The following MAF variants were observed in gnomAD, a reference collection of about 807,000 sequenced individuals.
MAF encodes the protein MAF bZIP transcription factor.
In MAF, 10 loss-of-function variants were observed where a neutral mutation model predicts 22.0. The ratio of observed to expected loss-of-function variants is 0.45; its 90% CI spans 0.28 to 0.77. The LOEUF is 0.77. Among genes scored for constraint, MAF ranks in the 30% least tolerant of loss-of-function variants. The pLI, the probability that MAF is intolerant of heterozygous loss-of-function variation, is 0.12. For missense variants in MAF, 544 were observed against 548.4 expected (o/e 0.99, Z 0.08); for synonymous variants, 337 against 255.8 (o/e 1.32, Z -3.03).
the MAF span, among the ~76,000 whole-genome samples, chr16:79,320,548 G>C: frequency 6.6e-6 from 1 of 152,160 alleles, no homozygotes; most frequent in Non-Finnish European, 1.5e-5. Context: ...AATCTACCTA[G>C]AATTCGCTTC....
the MAF span, among the ~76,000 whole-genome samples, chr16:79,355,399 GC>G: frequency 1.3e-5 from 2 of 152,196 alleles, no homozygotes; most frequent in Admixed American, 1.3e-4. Context: ...GATAAGTACA[GC>G]CCAGCGGAGT....
chr16:79,424,604 C>T, the MAF span, among the ~76,000 whole-genome samples: 12 of 152,104 alleles, frequency 7.9e-5, no homozygotes, highest in South Asian at 2.3e-3. Flanking sequence ...TTCTGTGAGC[C>T]CCTGAATGTG....
At chr16:79,598,749 T>C (rs12919670) in intron 1 of MAF, 36 bp downstream of exon 1, 2 of 1,613,352 alleles carry the variant, frequency 1.2e-6, no homozygotes, top group Non-Finnish European at 1.7e-6. Flanking sequence ...GGAGCACTTA[T>C]CAGGGTGGCT....
chr16:79,264,542 A>C, the MAF span: 1 of 152,202 alleles, frequency 6.6e-6, no homozygotes, highest in Admixed American at 6.5e-5. Flanking sequence ...CTTGGATGGG[A>C]GACTATGGCG....
chr16:79,438,667 C>G, the MAF span, among the ~76,000 whole-genome samples: 1 of 152,170 alleles, frequency 6.6e-6, no homozygotes, highest in Non-Finnish European at 1.5e-5. Flanking sequence ...TCTGCACAGC[C>G]AGCGAGGTCG....
chr16:79,596,644 A>AT, intron 1 of MAF: 2 of 1,038,214 alleles, frequency 1.9e-6, no homozygotes, highest in Non-Finnish European at 2.3e-6. Context: ...AACTGACAAG[A>AT]TTTTTTTATA....
chr16:79,583,290 T>C (rs1168487176), downstream of MAF, among the ~76,000 whole-genome samples: 2 of 152,240 alleles, frequency 1.3e-5, no homozygotes, highest in Non-Finnish European at 2.9e-5. Context: ...GTTTGACAAC[T>C]GTTTGAATTC....
the MAF span, among the ~76,000 whole-genome samples, chr16:79,269,293 G>A: frequency 2.6e-5 from 4 of 152,164 alleles, no homozygotes; most frequent in South Asian, 2.1e-4. Flanking sequence ...CTGGGCACCC[G>A]AGTGAGTTAC....
the MAF span, chr16:79,211,668 G>A: frequency 6.2e-6 from 10 of 1,614,212 alleles, no homozygotes; most frequent in Non-Finnish European, 8.5e-6. Flanking sequence ...GGGTCTGGGA[G>A]GGATGTACTT....
chr16:79,328,879 A>C, the MAF span, among the ~76,000 whole-genome samples: 1 of 152,070 alleles, frequency 6.6e-6, no homozygotes, highest in East Asian at 1.9e-4. Context: ...AAGGCGTTTA[A>C]CTCTCAGTTT....
chr16:79,484,920 A>G, the MAF span, among the ~76,000 whole-genome samples: 1 of 152,168 alleles, frequency 6.6e-6, no homozygotes, highest in African/African-American at 2.4e-5. Context: ...AGGATTTAGA[A>G]CCAGGCAGAT....
At chr16:79,476,407 A>C in the MAF span, among the ~76,000 whole-genome samples, 1 of 152,248 alleles carries the variant, frequency 6.6e-6, no homozygotes, top group South Asian at 2.1e-4. Flanking sequence ...CAACTGATAC[A>C]ATACTTTACA....
At chr16:79,293,476 A>G in the MAF span, among the ~76,000 whole-genome samples, 1 of 152,212 alleles carries the variant, frequency 6.6e-6, no homozygotes, top group Non-Finnish European at 1.5e-5. Flanking sequence ...TTTGCACATA[A>G]TATGTAATAT....
the MAF span, among the ~76,000 whole-genome samples, chr16:79,396,578 G>T: frequency 2.0e-5 from 3 of 152,196 alleles, no homozygotes; most frequent in African/African-American, 7.2e-5. Flanking sequence ...TTCCCAACTT[G>T]ATGGGTATCC....
the MAF span, among the ~76,000 whole-genome samples, chr16:79,328,079 A>G: frequency 3.3e-5 from 5 of 152,334 alleles, no homozygotes; most frequent in East Asian, 9.7e-4. Context: ...ATTAAGTGAA[A>G]TAGCAAAAGT....
the MAF span, among the ~76,000 whole-genome samples, chr16:79,499,971 C>A: frequency 3.3e-5 from 5 of 152,052 alleles, no homozygotes; most frequent in Non-Finnish European, 7.3e-5. Context: ...AAGAAAGAGG[C>A]AGAGGGAGTT....
At chr16:79,521,464 G>A in the MAF span, among the ~76,000 whole-genome samples, 1 of 152,196 alleles carries the variant, frequency 6.6e-6, no homozygotes, top group Admixed American at 6.5e-5. Context: ...TAATCCTCAG[G>A]ACGCATTTCG....
At chr16:79,300,205 T>A in the MAF span, among the ~76,000 whole-genome samples, 1 of 152,204 alleles carries the variant, frequency 6.6e-6, no homozygotes, top group Non-Finnish European at 1.5e-5. Context: ...AATAAAAAAT[T>A]AAAAATAGAC....
chr16:79,334,706 A>T, the MAF span, among the ~76,000 whole-genome samples: 2 of 152,196 alleles, frequency 1.3e-5, no homozygotes, highest in African/African-American at 4.8e-5. Context: ...ATACCCATGA[A>T]GCTGGGCCTG....
Sources: gnomAD v4.1 joint callset for allele counts (sites outside exome capture counted in the v4.1 genomes callset) on GRCh38, gnomAD v4.1.1 for gene constraint, MANE v1.5 for transcripts, NCBI Gene and HGNC (gene_info 2026-07-23, HGNC 2026-07-21) for gene names.